Variants in PMF1 observed in about 807,000 individuals in gnomAD.
PMF1 encodes polyamine modulated factor 1.
A neutral mutation model predicts 26.7 loss-of-function variants in PMF1; 21 were observed. The ratio of observed to expected loss-of-function variants is 0.79; its 90% confidence interval spans 0.56 to 1.13. PMF1 has a LOEUF of 1.13. PMF1 is among the 50% of genes most tolerant of loss of function. The probability of loss-of-function intolerance (pLI) is 0.00; values close to 1 mark genes in which losing one functional copy is unlikely to be tolerated. For synonymous variants in PMF1, 105 were observed against 101.0 expected, an observed-to-expected ratio of 1.04 and a Z score of -0.24; for missense variants, 266 against 254.9, an observed-to-expected ratio of 1.04 and a Z score of -0.30.
At chr1:156,222,397 TTTGAGATG>T (rs1429280429) in intron 1 of PMF1, among the ~76,000 whole-genome samples, 1 of 152,206 alleles carries the variant, frequency 6.6e-6, no homozygotes, top group Non-Finnish European at 1.5e-5. Context: ...TTTTTTTCTT[TTTGAGATG>T]GAGTTTCGCT....
intron 4 of PMF1, 156 bp downstream of exon 4, chr1:156,236,639 G>A (rs1202511303): frequency 2.0e-5 from 19 of 960,958 alleles, no homozygotes; most frequent in South Asian, 3.5e-5. Flanking sequence ...CTCCTTGGGC[G>A]TGTGCAGTAG....
chr1:156,223,559 T>C (rs1225907183), intron 1 of PMF1: 1 of 152,146 alleles, frequency 6.6e-6, no homozygotes, highest in Non-Finnish European at 1.5e-5. Flanking sequence ...CACAGAATCA[T>C]GGTAAGGATT....
At chr1:156,217,246 GAAA>G (rs11366613) in intron 1 of PMF1, among the ~76,000 whole-genome samples, 9 of 138,184 alleles carry the variant, frequency 6.5e-5, no homozygotes, top group African/African-American at 2.1e-4. Flanking sequence ...AAAAAAAAAA[GAAA>G]AAAAAAAAAG....
chr1:156,220,338 A>G (rs1447209335), intron 1 of PMF1, among the ~76,000 whole-genome samples: 3 of 152,052 alleles, frequency 2.0e-5, no homozygotes, highest in Non-Finnish European at 4.4e-5. Flanking sequence ...GCCTGAGACT[A>G]CAGGCATGCA....
intron 1 of PMF1, among the ~76,000 whole-genome samples, chr1:156,228,274 T>TTTA (rs1271655481): frequency 8.4e-5 from 12 of 143,704 alleles, no homozygotes; most frequent in African/African-American, 2.8e-4. Context: ...TTTTTTTTTT[T>TTTA]TTTTTTTTTT....
chr1:156,219,446 A>G (rs1657959769), intron 1 of PMF1, among the ~76,000 whole-genome samples: 1 of 152,014 alleles, frequency 6.6e-6, no homozygotes, highest in Non-Finnish European at 1.5e-5. Context: ...CCCCTTACCA[A>G]TGGCCAGCTC....
At chr1:156,213,387 C>G (rs1459870982) in intron 1 of PMF1, among the ~76,000 whole-genome samples, 2 of 152,222 alleles carry the variant, frequency 1.3e-5, no homozygotes, top group Non-Finnish European at 2.9e-5. Flanking sequence ...CTAGCTACTC[C>G]TTCCTACAGG....
chr1:156,228,701 C>T (rs1658526465), intron 1 of PMF1, among the ~76,000 whole-genome samples: 1 of 152,064 alleles, frequency 6.6e-6, no homozygotes, highest in Non-Finnish European at 1.5e-5. Flanking sequence ...GGAACAGGAT[C>T]TCCCATGTCT....
In PMF1 at chr1:156,213,094, C is replaced by A. The variant is rs1381486325; in HGVS notation, c.79C>A (p.Pro27Thr). ...RHEGSSSESV[P>T]PGTTISRVKL... ...TGAGGGGTCGTCTTCGGAATCTGTG[C>A]CACCCGGCACTACCATTTCGAGGGT... The change falls in exon 1 of 5, where the codon CCA (proline) becomes ACA (threonine). Residue 27 changes from proline (P) to threonine (T), a missense_variant. Pro to Thr is a conservative substitution (Grantham distance 38). Transcript: ENST00000368277. 1 of 1,614,240 alleles carries A rather than the reference C, an allele frequency of 6.2e-7. No individual in the cohort carries two copies. Among genetic ancestry groups the A allele is most frequent in the Non-Finnish European group, 8.5e-7 (1 of 1,180,022 alleles).
At chr1:156,233,502 C>A (rs1399330741) in intron 2 of PMF1, 126 bp from the exon 3 acceptor site, 3 of 888,488 alleles carry the variant, frequency 3.4e-6, no homozygotes, top group Non-Finnish European at 5.2e-6. Flanking sequence ...GTTGGAATGT[C>A]AGGGAAAGCA....
intron 1 of PMF1, among the ~76,000 whole-genome samples, chr1:156,218,481 TA>T (rs1344126287): frequency 5.3e-5 from 8 of 152,062 alleles, no homozygotes; most frequent in Non-Finnish European, 4.4e-5. Flanking sequence ...AAGAGCCATT[TA>T]AAAAAATGCC....
At chr1:156,224,201 A>C (rs544860642) in intron 1 of PMF1, among the ~76,000 whole-genome samples, 1 of 152,342 alleles carries the variant, frequency 6.6e-6, no homozygotes, top group African/African-American at 2.4e-5. Flanking sequence ...GTAATTGTAC[A>C]TATTTATAGG....
intron 1 of PMF1, among the ~76,000 whole-genome samples, chr1:156,229,604 C>G (rs1379829890): frequency 1.3e-5 from 2 of 150,144 alleles, no homozygotes; most frequent in African/African-American, 4.9e-5. Context: ...GAGTGTCGCT[C>G]TTGTTGCCCA....
chr1:156,237,835 C>T (rs1260183190), intron 4 of PMF1, among the ~76,000 whole-genome samples: 2 of 152,178 alleles, frequency 1.3e-5, no homozygotes, highest in African/African-American at 4.8e-5. Flanking sequence ...TGGTTCACTG[C>T]AACCTCCGCT....
Position 156,239,972 on chromosome 1 carries a change from G to T in PMF1, c.*371G>T, listed in dbSNP as rs1659253320. 8.6e-6 allele frequency: 2 copies of T among 233,502 alleles called. No homozygotes were observed. The highest frequency in any genetic ancestry group is 8.4e-5 in the South Asian group (1 of 11,930). 14.5% of individuals were successfully genotyped at this position (233,502 alleles called of 1,614,324 possible). ...TTCAATCTCCACTGATTGCCCCCTT[G>T]CTGGCCAGCCCAGGGGCCTTTACCA... On this transcript the variant is annotated 3_prime_UTR_variant, in exon 5 of 5. Coordinates refer to ENST00000368277, the MANE Select transcript of PMF1 (RefSeq NM_007221.4).
Position 156,225,308 on chromosome 1 carries a change from T to TA in PMF1, c.162-7010dup, listed in dbSNP as rs1553279854. ...TTTTTTTTTTTTTTTTTTTTTTTTT[T>TA]AATTTCAGTAGTTTTTTGGGGAACA... On this transcript the variant is annotated intron_variant, in intron 1 of 4. Transcript: ENST00000368277. 3.2e-3 allele frequency among the ~76,000 whole-genome samples: 431 copies of TA among 133,892 alleles called. 13 individuals are homozygous for TA. Among genetic ancestry groups the TA allele is most frequent in the Middle Eastern group, 0.023 (6 of 262 alleles). The allele number at this position is 133,892 out of a possible 152,430, so 87.8% of individuals were successfully genotyped here.
chr1:156,225,789 G>T, intron 1 of PMF1: 1 of 464,282 alleles, frequency 2.2e-6, no homozygotes, highest in Non-Finnish European at 4.0e-6. Context: ...CCAACAGATT[G>T]ACAAATGACC....
chr1:156,232,700 CTT>C (rs35660146), intron 2 of PMF1, among the ~76,000 whole-genome samples: 42 of 146,878 alleles, frequency 2.9e-4, no homozygotes, highest in Non-Finnish European at 3.0e-4. Flanking sequence ...CTGATGGGGT[CTT>C]TTTTTTTTTT....
chr1:156,216,827 C>A (rs1315636169), intron 1 of PMF1, among the ~76,000 whole-genome samples: 1 of 151,932 alleles, frequency 6.6e-6, no homozygotes, highest in African/African-American at 2.4e-5. Context: ...CCGATCGACT[C>A]GCTGGCCGGC....
Sources: allele counts gnomAD v4.1 joint callset (sites outside exome capture counted in the v4.1 genomes callset), GRCh38; gene constraint gnomAD v4.1.1; transcripts MANE v1.5; gene names NCBI Gene and HGNC (gene_info 2026-07-23, HGNC 2026-07-21).